CNTNAP5: variants seen among roughly 807,000 people sequenced by gnomAD.
CNTNAP5 encodes the protein contactin associated protein family member 5, also known as contactin-associated protein-like 5.
Under a neutral mutation model 150.2 loss-of-function variants are expected in CNTNAP5, and 72 were observed. That is an observed-to-expected ratio of 0.48 (90% confidence interval 0.40 to 0.58). The LOEUF (loss-of-function observed/expected upper bound fraction) is 0.58. CNTNAP5 is among the 20% of genes least tolerant of loss of function. The probability of loss-of-function intolerance (pLI) is 0.00; values close to 1 mark genes in which losing one functional copy is unlikely to be tolerated. For synonymous variants in CNTNAP5, 672 were observed against 619.8 expected (o/e 1.08, Z -1.25); for missense variants, 1,636 against 1,626.2 (o/e 1.01, Z -0.10).
At chr2:124,782,788 C>A (rs1558773571) in intron 17 of CNTNAP5, among the ~76,000 whole-genome samples, 1 of 152,074 alleles carries the variant, frequency 6.6e-6, no homozygotes, top group Non-Finnish European at 1.5e-5. Context: ...CATATGCATA[C>A]CCTATGACCA....
intron 12 of CNTNAP5, among the ~76,000 whole-genome samples, chr2:124,645,317 A>G (rs1573519016): frequency 6.6e-6 from 1 of 152,202 alleles, no homozygotes; most frequent in East Asian, 1.9e-4. Context: ...GCAGTGGCTC[A>G]TGTCTATAAT....
intron 8 of CNTNAP5, among the ~76,000 whole-genome samples, chr2:124,520,624 G>C (rs1457682571): frequency 6.6e-6 from 1 of 151,996 alleles, no homozygotes; most frequent in African/African-American, 2.4e-5. Flanking sequence ...TCTGTTTCTG[G>C]AACCCAAATC....
At position 124,588,169 on chromosome 2, in the gene CNTNAP5, C is replaced by CTT. The variant is rs1348747850; in HGVS notation, c.1757-21631_1757-21630dup. ...TTCCTTCCTTCCTTTTCCTTCCTTC[C>CTT]TTCCTTCCTTCTTTCTTTCTTTCTT... is the stretch of plus-strand genomic sequence containing the variant. On this transcript the variant is annotated intron_variant, in intron 11 of 23. Coordinates refer to ENST00000682447, the MANE Select transcript of CNTNAP5 (RefSeq NM_001367498.1). Among the ~76,000 whole-genome samples, 11 of 87,948 alleles carry CTT rather than the reference C, an allele frequency of 1.3e-4. 1 individual carries two copies. The East Asian group carries it at 2.0e-3, about 16-fold the overall frequency. The allele number at this position is 87,948 out of a possible 152,430, so 57.7% of individuals were successfully genotyped here.
chr2:124,738,982 A>G (rs780411845), intron 13 of CNTNAP5, among the ~76,000 whole-genome samples: 1 of 152,220 alleles, frequency 6.6e-6, no homozygotes, highest in African/African-American at 2.4e-5. Flanking sequence ...CAATGCCCAA[A>G]GAATCATTTA....
chr2:124,356,016 A>G (rs1689990711), intron 3 of CNTNAP5, among the ~76,000 whole-genome samples: 1 of 152,192 alleles, frequency 6.6e-6, no homozygotes, highest in Admixed American at 6.5e-5. Flanking sequence ...AAGAGTAGGT[A>G]AGAAAAACAA....
At chr2:124,384,995 T>A (rs1242286832) in intron 3 of CNTNAP5, among the ~76,000 whole-genome samples, 1 of 152,192 alleles carries the variant, frequency 6.6e-6, no homozygotes, top group Non-Finnish European at 1.5e-5. Flanking sequence ...CCTCACTGGC[T>A]TGTGTATTCC....
intron 4 of CNTNAP5, among the ~76,000 whole-genome samples, chr2:124,427,148 A>T (rs1185551613): frequency 6.6e-6 from 1 of 152,212 alleles, no homozygotes; most frequent in East Asian, 1.9e-4. Context: ...CTGGCATGGC[A>T]GATAAAATAG....
At chr2:124,546,761 G>A (rs1695520695) in intron 10 of CNTNAP5, among the ~76,000 whole-genome samples, 1 of 152,126 alleles carries the variant, frequency 6.6e-6, no homozygotes, top group Non-Finnish European at 1.5e-5. Flanking sequence ...CTAGTATGGA[G>A]GACTTGTGCT....
At chr2:124,196,058 TA>T (rs1685574693) in intron 1 of CNTNAP5, among the ~76,000 whole-genome samples, 1 of 147,986 alleles carries the variant, frequency 6.8e-6, no homozygotes, top group South Asian at 2.1e-4. Context: ...TGATACCAGG[TA>T]AAAAATAGCA....
chr2:124,726,572 A>C (rs949139697), intron 13 of CNTNAP5, among the ~76,000 whole-genome samples: 3 of 152,166 alleles, frequency 2.0e-5, no homozygotes, highest in Admixed American at 2.0e-4. Flanking sequence ...GCAGTGTGAA[A>C]ACAGACTAAT....
intron 1 of CNTNAP5, among the ~76,000 whole-genome samples, chr2:124,101,756 C>G (rs1400201461): frequency 1.3e-5 from 2 of 152,204 alleles, no homozygotes; most frequent in African/African-American, 4.8e-5. Flanking sequence ...TGCTAATACA[C>G]TCTTGACATT....
intron 3 of CNTNAP5, among the ~76,000 whole-genome samples, chr2:124,349,065 GC>G (rs1689808678): frequency 6.6e-6 from 1 of 152,138 alleles, no homozygotes; most frequent in Admixed American, 6.5e-5. Flanking sequence ...TAGAAGTGTT[GC>G]TTTGATTGGA....
intron 19 of CNTNAP5, among the ~76,000 whole-genome samples, chr2:124,828,366 A>G (rs1306306915): frequency 6.6e-6 from 1 of 152,026 alleles, no homozygotes; most frequent in Non-Finnish European, 1.5e-5. Context: ...CTGTAGTCCC[A>G]GTTACTTGGG....
intron 14 of CNTNAP5, among the ~76,000 whole-genome samples, chr2:124,747,614 C>CTTTTTT (rs11351693): frequency 3.8e-5 from 2 of 53,260 alleles, no homozygotes; most frequent in African/African-American, 8.3e-5. Flanking sequence ...GCTGCTTCTT[C>CTTTTTT]TTTTTTTTTT....
Position 124,234,029 on chromosome 2 carries a change from T to A in CNTNAP5, c.188-8171T>A, listed in dbSNP as rs75905774. ...CTGCTCATGAGAAAAAAAATGTAAG[T>A]GGTAATGTCATCAATATGAGATCTG... On this transcript the variant is annotated intron_variant, in intron 2 of 23. Transcript: ENST00000682447. Among the ~76,000 whole-genome samples, 285 of 152,224 alleles carry A rather than the reference T, an allele frequency of 1.9e-3. 3 individuals are homozygous for A. In the East Asian group the frequency reaches 0.045, roughly 24 times the overall value.
chr2:124,297,815 TATTATTATTATTATTATTA>T (rs1688476925), intron 3 of CNTNAP5, among the ~76,000 whole-genome samples: 4 of 78,148 alleles, frequency 5.1e-5, no homozygotes, highest in African/African-American at 1.7e-4. Flanking sequence ...AATTATTTAT[TATTATTATTATTATTATTA>T]TTATTATTAT....
intron 13 of CNTNAP5, among the ~76,000 whole-genome samples, chr2:124,670,183 CT>C (rs1678789926): frequency 1.6e-5 from 1 of 61,474 alleles, no homozygotes; most frequent in Non-Finnish European, 4.0e-5. Flanking sequence ...CTTCCTCCCT[CT>C]CTTTCTCTTT....
intron 13 of CNTNAP5, among the ~76,000 whole-genome samples, chr2:124,681,951 A>G (rs967776683): frequency 5.9e-5 from 9 of 152,076 alleles, no homozygotes; most frequent in African/African-American, 2.2e-4. Context: ...TGGCCAGCCA[A>G]TGAGTGGTCA....
intron 3 of CNTNAP5, among the ~76,000 whole-genome samples, chr2:124,286,839 G>A (rs905046780): frequency 5.9e-5 from 9 of 152,146 alleles, no homozygotes; most frequent in African/African-American, 1.7e-4. Flanking sequence ...GTTAATCATT[G>A]GAAAGTTCCA....
Sources: allele counts gnomAD v4.1 joint callset (sites outside exome capture counted in the v4.1 genomes callset), GRCh38; gene constraint gnomAD v4.1.1; transcripts MANE v1.5; gene names NCBI Gene and HGNC (gene_info 2026-07-23, HGNC 2026-07-21).